PRPF8: variants seen among roughly 807,000 people sequenced by gnomAD.
The protein encoded by PRPF8 is pre-mRNA-processing-splicing factor 8.
A neutral mutation model predicts 285.9 loss-of-function variants in PRPF8; 64 were observed. That is an observed-to-expected ratio of 0.22 (90% CI 0.18 to 0.28). The LOEUF (loss-of-function observed/expected upper bound fraction) is 0.28. Among genes scored for constraint, PRPF8 ranks in the 10% least tolerant of loss-of-function variants. PRPF8 has a pLI of 1.00. For missense variants in PRPF8, 1,426 were observed against 3,026.7 expected, an observed-to-expected ratio of 0.47 and a Z score of 12.41; for synonymous variants, 1,325 against 1,118.2, an observed-to-expected ratio of 1.18 and a Z score of -3.69.
Position 1,677,103 on chromosome 17 carries a change from A to G in PRPF8, c.2054T>C (p.Leu685Pro), listed in dbSNP as rs1278124241. 6.2e-7 allele frequency: 1 copy of G among 1,613,788 alleles called. No homozygotes were observed. Among genetic ancestry groups the G allele is most frequent in the African/African-American group, 1.3e-5 (1 of 74,840 alleles). The change falls in exon 15 of 43, where the codon CTG becomes CCG. Residue 685 changes from leucine (L) to proline (P), a missense_variant. Leu to Pro is a moderately conservative substitution (Grantham distance 98). Transcript: ENST00000304992. The stretch of plus-strand genomic sequence containing the variant: ...AATATCATGCATCACAGCTGCCCGC[A>G]GCTCAAGGTCAAAATGTGACTCCAC... ...QRVESHFDLELRAAVMHDILD... is the reference protein window; with the variant it reads ...QRVESHFDLEPRAAVMHDILD...
chr17:1,657,956 G>A (rs1181057485), intron 34 of PRPF8, among the ~76,000 whole-genome samples: 1 of 141,994 alleles, frequency 7.0e-6, no homozygotes, highest in Non-Finnish European at 1.5e-5. Flanking sequence ...GGGCCACACA[G>A]CGAGACTCCG....
chr17:1,655,924 C>CTTT (rs76782744), intron 36 of PRPF8, among the ~76,000 whole-genome samples: 2 of 119,516 alleles, frequency 1.7e-5, no homozygotes, highest in Non-Finnish European at 3.5e-5. Context: ...TGCGCCCGGC[C>CTTT]TTTTTTTTTT....
In PRPF8 at chr17:1,660,974, AAG is replaced by A. The variant is rs745598455; in HGVS notation, c.4508+17_4508+18del. 6.2e-7 allele frequency: 1 copy of A among 1,613,424 alleles called. No individual in the cohort carries two copies. Among genetic ancestry groups the A allele is most frequent in the Non-Finnish European group, 8.5e-7 (1 of 1,180,008 alleles). ...TCAAAGGGTTGTGACAGGTCCCTCT[AAG>A]AGAGGAGAATCCTCACCAGAAAAGC... On this transcript the variant is annotated intron_variant, in intron 28 of 42. Coordinates refer to ENST00000304992, the MANE Select transcript of PRPF8 (RefSeq NM_006445.4).
chr17:1,680,546 G>A, intron 8 of PRPF8, 180 bp downstream of exon 8: 2 of 690,812 alleles, frequency 2.9e-6, no homozygotes, highest in Admixed American at 4.3e-5. Flanking sequence ...CAGAAAACAG[G>A]ATTATACCAA....
At chr17:1,677,735 G>C (rs935319942) in intron 13 of PRPF8, 41 bp from the exon 14 acceptor site, 3 of 1,613,240 alleles carry the variant, frequency 1.9e-6, no homozygotes, top group African/African-American at 2.7e-5. Flanking sequence ...AGTTAGCAAT[G>C]CATTTAAACA....
chr17:1,666,888 A>AG (rs1405914421), intron 24 of PRPF8, among the ~76,000 whole-genome samples: 1 of 152,130 alleles, frequency 6.6e-6, no homozygotes, highest in South Asian at 2.1e-4. Context: ...TACAGAAAGG[A>AG]GGGGGGCCGG....
intron 24 of PRPF8, 50 bp from the exon 25 acceptor site, chr17:1,662,203 AGG>A: frequency 1.9e-6 from 3 of 1,607,688 alleles, no homozygotes; most frequent in Non-Finnish European, 2.6e-6. Flanking sequence ...AGGGGCGGGG[AGG>A]GTGGAGACTA....
chr17:1,654,383 T>A (rs1911239935), intron 37 of PRPF8: 1 of 403,682 alleles, frequency 2.5e-6, no homozygotes, highest in Non-Finnish European at 4.6e-6. Context: ...ATAATTTTGG[T>A]TGCCACGATG....
Position 1,661,823 on chromosome 17 carries a change from A to G in PRPF8, c.4023-33T>C. ...GGTGTACAACCAAGATTACAGAAAA[A>G]ATAAAGCCTAAAACTAAAGAAATAC... is the stretch of plus-strand genomic sequence containing the variant. On this transcript the variant is annotated intron_variant, in intron 25 of 42. Transcript: ENST00000304992. This position sits in a 1 kb window ranked among gnomAD's most constrained non-coding sequence, Gnocchi z 7.3. The G allele has an allele frequency of 6.2e-7, 1 of 1,614,144 alleles. No individual in the cohort carries two copies. Among genetic ancestry groups the G allele is most frequent in the South Asian group, 1.1e-5 (1 of 91,082 alleles).
Position 1,679,503 on chromosome 17 carries a change from GAAAAA to G in PRPF8, c.1290-98_1290-94del, listed in dbSNP as rs58919772. On this transcript the variant is annotated intron_variant, in intron 9 of 42. Coordinates refer to ENST00000304992, the MANE Select transcript of PRPF8 (RefSeq NM_006445.4). The surrounding 1 kb of genome is among the most constrained non-coding windows in gnomAD (Gnocchi z 4.7). Reference sequence around the variant, plus strand: ...CTTGGGTTGTCTACCATTTTTATGGGAAAAAAAAAAAAAGAATTTAAAAAAAAGGC... The same window carrying G: ...CTTGGGTTGTCTACCATTTTTATGGGAAAAAAAAGAATTTAAAAAAAAGGC... 5.7e-6 allele frequency: 8 copies of G among 1,410,032 alleles called. No individual in the cohort carries two copies. The highest frequency in any genetic ancestry group is 4.1e-5 in the Admixed American group (2 of 48,914). 87.3% of individuals were successfully genotyped at this position (1,410,032 alleles called of 1,614,324 possible).
chr17:1,666,473 C>T (rs1397082161), intron 24 of PRPF8, among the ~76,000 whole-genome samples: 1 of 151,276 alleles, frequency 6.6e-6, no homozygotes, highest in Non-Finnish European at 1.5e-5. Flanking sequence ...GTCTCCTGAG[C>T]CTGGGAGGCA....
At chr17:1,678,412 G>A (rs1912728152) in intron 13 of PRPF8, 106 bp downstream of exon 13, 1 of 1,413,026 alleles carries the variant, frequency 7.1e-7, no homozygotes, top group Non-Finnish European at 1.0e-6. Context: ...GAACTCAGGA[G>A]GCGGAGGTTG....
chr17:1,684,618 C>A (rs913720385), intron 1 of PRPF8, 36 bp from the exon 2 acceptor site: 18 of 1,594,310 alleles, frequency 1.1e-5, no homozygotes, highest in Non-Finnish European at 1.3e-5. Flanking sequence ...TCACTAACCA[C>A]AGGCCCGGGC....
rs963150353 is a variant in PRPF8, at chr17:1,676,287, G to A, written c.2472C>T (p.Pro824=). 2 of 1,614,110 alleles carry A rather than the reference G, an allele frequency of 1.2e-6. No homozygotes were observed. Among genetic ancestry groups the A allele is most frequent in the East Asian group, 4.5e-5 (2 of 44,890 alleles). Residue 824 remains proline, a synonymous_variant, in exon 17 of 43, where the codon CCC becomes CCT. Transcript: ENST00000304992. The surrounding 1 kb of genome is among the most constrained non-coding windows in gnomAD (Gnocchi z 6.3). ...TATAGGAGAGTGGGGGGAATGGGAT[G>A]GGTGAAAACCTGCGGCTTTCCAACC... ...VHWLESRRFS[P]IPFPPLSYKH... is the part of the protein sequence containing the mutation.
intron 1 of PRPF8, 43 bp downstream of exon 1, chr17:1,684,737 G>C (rs1412719585): frequency 2.9e-6 from 2 of 693,618 alleles, no homozygotes; most frequent in African/African-American, 3.6e-5. Context: ...GGCCCGACCC[G>C]ACCACGCCTC....
chr17:1,659,093 T>C lies in PRPF8; in HGVS notation c.5138+264A>G. 3 of 606,900 alleles carry C rather than the reference T, an allele frequency of 4.9e-6. No homozygotes were observed. In the East Asian group the frequency reaches 8.7e-5, roughly 18 times the overall value. 37.6% of individuals were successfully genotyped at this position (606,900 alleles called of 1,614,324 possible). On this transcript the variant is annotated intron_variant, in intron 32 of 42. Coordinates refer to ENST00000304992, the MANE Select transcript of PRPF8 (RefSeq NM_006445.4). The surrounding 1 kb of genome is among the most constrained non-coding windows in gnomAD (Gnocchi z 5.1). ...CAGGCTGGAGTGCAGTGGCGCAATC[T>C]CGGTTCACTGCAAGCTCCGCCTCCC...
chr17:1,679,532 G>C lies in PRPF8; in HGVS notation c.1289+77C>G. ...AAAAAAAAAAGAATTTAAAAAAAAG[G>C]CTACATGCCCACCTAGTTGGAGTCT... On this transcript the variant is annotated intron_variant, in intron 9 of 42. Coordinates refer to ENST00000304992, the MANE Select transcript of PRPF8 (RefSeq NM_006445.4). This position sits in a 1 kb window ranked among gnomAD's most constrained non-coding sequence, Gnocchi z 4.7. 1 of 1,595,608 alleles carries C rather than the reference G, an allele frequency of 6.3e-7. No individual in the cohort carries two copies. Among genetic ancestry groups the C allele is most frequent in the African/African-American group, 1.4e-5 (1 of 73,674 alleles).
intron 13 of PRPF8, among the ~76,000 whole-genome samples, chr17:1,678,208 G>C (rs1427949011): frequency 1.3e-5 from 2 of 152,142 alleles, no homozygotes; most frequent in Admixed American, 6.5e-5. Flanking sequence ...CCAGCTACTT[G>C]GGAGGCTGAA....
Position 1,676,162 on chromosome 17 carries a change from C to G in PRPF8, c.2552+45G>C. 6.2e-7 allele frequency: 1 copy of G among 1,612,542 alleles called. No homozygotes were observed. The highest frequency in any genetic ancestry group is 8.5e-7 in the Non-Finnish European group (1 of 1,179,984). On this transcript the variant is annotated intron_variant, in intron 17 of 42. Coordinates refer to ENST00000304992, the MANE Select transcript of PRPF8 (RefSeq NM_006445.4). This position sits in a 1 kb window ranked among gnomAD's most constrained non-coding sequence, Gnocchi z 6.3. ...TGGACTCTGAGGATGACGCCATTCC[C>G]TGCTGTCACCTTCCCAGCAGGAACC... is the stretch of plus-strand genomic sequence containing the variant.
Sources: allele counts gnomAD v4.1 joint callset (sites outside exome capture counted in the v4.1 genomes callset), GRCh38; gene constraint gnomAD v4.1.1; non-coding constraint Gnocchi (gnomAD v3.1); transcripts MANE v1.5; gene names NCBI Gene and HGNC (gene_info 2026-07-23, HGNC 2026-07-21).